Variants in SBF2 observed in about 807,000 individuals in gnomAD.
SBF2 encodes myotubularin-related protein 13.
In SBF2, 112 loss-of-function variants were observed where a neutral mutation model predicts 225.2. The ratio of observed to expected loss-of-function variants is 0.50; its 90% CI spans 0.43 to 0.58. The LOEUF is 0.58. Among genes scored for constraint, SBF2 ranks in the 20% least tolerant of loss-of-function variants. The probability of loss-of-function intolerance (pLI) is 0.00; values close to 1 mark genes in which losing one functional copy is unlikely to be tolerated. For synonymous variants in SBF2, 763 were observed against 773.3 expected (o/e 0.99, Z 0.22); for missense variants, 1,996 against 2,206.2 (o/e 0.90, Z 1.91).
intron 2 of SBF2, among the ~76,000 whole-genome samples, chr11:10,136,404 T>C (rs1416149660): frequency 3.3e-5 from 5 of 152,152 alleles, no homozygotes; most frequent in African/African-American, 4.8e-5. Flanking sequence ...GACCAAGCCA[T>C]AATTTGAAGC....
intron 6 of SBF2, among the ~76,000 whole-genome samples, chr11:10,009,313 G>T (rs991937068): frequency 1.3e-5 from 2 of 152,098 alleles, no homozygotes; most frequent in Non-Finnish European, 2.9e-5. Context: ...GAACGTGAAG[G>T]TTTGCCAAAT....
At chr11:9,927,799 C>T (rs111722167) in intron 16 of SBF2, among the ~76,000 whole-genome samples, 23 of 152,084 alleles carry the variant, frequency 1.5e-4, no homozygotes, top group African/African-American at 5.5e-4. Context: ...AGAGTATCTA[C>T]AAAAAAACCC....
At chr11:10,226,430 T>A (rs894402170) in intron 1 of SBF2, among the ~76,000 whole-genome samples, 1 of 152,014 alleles carries the variant, frequency 6.6e-6, no homozygotes, top group African/African-American at 2.4e-5. Context: ...GCTGCACCCA[T>A]CAACTCGTCA....
chr11:9,810,687 C>T (rs1854131468), intron 30 of SBF2: 1 of 152,134 alleles, frequency 6.6e-6, no homozygotes, highest in Non-Finnish European at 1.5e-5. Flanking sequence ...TAAGAAATGG[C>T]TATTATTAAA....
rs1168090388 is a variant in SBF2, at chr11:9,850,210, A to G, written c.2619T>C (p.Ile873=). The change falls in exon 22 of 40, where the codon ATT becomes ATC. Residue 873 remains isoleucine, a synonymous_variant. Coordinates refer to ENST00000256190, the MANE Select transcript of SBF2 (RefSeq NM_030962.4). ...RRLPPIQKPK[I]LRPALLPGEE... Reference sequence around the variant, plus strand: ...CTCCTGGCAGCAGAGCAGGTCTAAGAATCTTGGGCTTACAACAGAAAAAGA... The same window carrying G: ...CTCCTGGCAGCAGAGCAGGTCTAAGGATCTTGGGCTTACAACAGAAAAAGA... 10 of 1,613,108 alleles carry G rather than the reference A, an allele frequency of 6.2e-6. No homozygotes were observed. Among genetic ancestry groups the G allele is most frequent in the Non-Finnish European group, 6.8e-6 (8 of 1,179,960 alleles).
intron 2 of SBF2, among the ~76,000 whole-genome samples, chr11:10,126,940 A>G (rs1263930639): frequency 6.6e-6 from 1 of 152,126 alleles, no homozygotes; most frequent in East Asian, 1.9e-4. Flanking sequence ...GACACAAGAG[A>G]TCAAATAATT....
intron 2 of SBF2, among the ~76,000 whole-genome samples, chr11:10,100,482 C>T (rs1410018957): frequency 6.6e-6 from 1 of 152,226 alleles, no homozygotes; most frequent in Non-Finnish European, 1.5e-5. Context: ...GCTGCCAATC[C>T]AATGTGCATG....
At chr11:10,058,040 A>G (rs1411503141) in intron 2 of SBF2, among the ~76,000 whole-genome samples, 1 of 152,196 alleles carries the variant, frequency 6.6e-6, no homozygotes, top group Non-Finnish European at 1.5e-5. Context: ...AATTAAAGAA[A>G]CACCCACACA....
At chr11:10,144,679 A>T (rs1038996365) in intron 2 of SBF2, among the ~76,000 whole-genome samples, 26 of 152,232 alleles carry the variant, frequency 1.7e-4, no homozygotes, top group African/African-American at 5.8e-4. Context: ...AGTTGAGATG[A>T]TGTAAAAGAA....
intron 2 of SBF2, among the ~76,000 whole-genome samples, chr11:10,128,305 A>T (rs950889734): frequency 1.3e-5 from 2 of 152,214 alleles, no homozygotes; most frequent in Non-Finnish European, 2.9e-5. Flanking sequence ...CTAAACACAG[A>T]AGTTGGGAGA....
intron 17 of SBF2, among the ~76,000 whole-genome samples, chr11:9,883,893 C>T (rs374571153): frequency 2.0e-5 from 3 of 152,150 alleles, no homozygotes; most frequent in Non-Finnish European, 4.4e-5. Flanking sequence ...AGCACTCCCC[C>T]ACGCCAGCCT....
chr11:9,879,855 G>A (rs2134078618), intron 17 of SBF2, among the ~76,000 whole-genome samples: 1 of 152,090 alleles, frequency 6.6e-6, no homozygotes, highest in African/African-American at 2.4e-5. Context: ...AGGCCAAGAT[G>A]GGCGGATCAC....
At chr11:9,833,097 A>T (rs761280602) in intron 26 of SBF2, among the ~76,000 whole-genome samples, 2 of 152,234 alleles carry the variant, frequency 1.3e-5, no homozygotes, top group Non-Finnish European at 2.9e-5. Context: ...ACAGCATGCC[A>T]ATATTAGACT....
At chr11:10,019,457 G>A (rs144915364) in intron 6 of SBF2, among the ~76,000 whole-genome samples, 1 of 152,196 alleles carries the variant, frequency 6.6e-6, no homozygotes, top group East Asian at 1.9e-4. Flanking sequence ...CAGTAAAATA[G>A]GGCACAAGAT....
chr11:10,193,349 ATC>A (rs1307617268), intron 2 of SBF2, among the ~76,000 whole-genome samples: 5 of 130,454 alleles, frequency 3.8e-5, no homozygotes, highest in Non-Finnish European at 8.3e-5. Context: ...CATCAATTTC[ATC>A]TTTTTTTTTT....
At chr11:10,278,327 C>T (rs989586089) in intron 1 of SBF2, among the ~76,000 whole-genome samples, 2 of 152,094 alleles carry the variant, frequency 1.3e-5, no homozygotes, top group Non-Finnish European at 2.9e-5. Context: ...TATTTGCCTT[C>T]GCAATGTAAA....
intron 2 of SBF2, among the ~76,000 whole-genome samples, chr11:10,081,620 C>T (rs915108215): frequency 2.6e-5 from 4 of 151,864 alleles, no homozygotes; most frequent in East Asian, 1.9e-4. Flanking sequence ...ATTAGCCAGG[C>T]GTGGTGACAC....
chr11:10,080,523 C>A (rs964351620), intron 2 of SBF2, among the ~76,000 whole-genome samples: 2 of 151,420 alleles, frequency 1.3e-5, no homozygotes, highest in African/African-American at 4.9e-5. Context: ...TGTGACAAAA[C>A]CCTACTAAAC....
intron 1 of SBF2, among the ~76,000 whole-genome samples, chr11:10,257,894 T>C (rs541561291): frequency 7.4e-5 from 11 of 147,982 alleles, no homozygotes; most frequent in African/African-American, 1.2e-4. Flanking sequence ...GAGGCAGAGG[T>C]TGCAGTGAAA....
Sources: gnomAD v4.1 joint callset for allele counts (sites outside exome capture counted in the v4.1 genomes callset) on GRCh38, gnomAD v4.1.1 for gene constraint, MANE v1.5 for transcripts, NCBI Gene and HGNC (gene_info 2026-07-23, HGNC 2026-07-21) for gene names.